The following LAMA4 variants were observed in gnomAD, a reference collection of about 807,000 sequenced individuals.
The protein encoded by LAMA4 is laminin subunit alpha-4.
Under a neutral mutation model 207.1 loss-of-function variants are expected in LAMA4, and 127 were observed. The observed-to-expected ratio is 0.61, with a 90% CI of 0.53 to 0.71. The LOEUF is 0.71. Ranked by LOEUF, LAMA4 falls within the 30% of genes least tolerant of loss-of-function variation. The probability of loss-of-function intolerance (pLI) is 0.00; values close to 1 mark genes in which losing one functional copy is unlikely to be tolerated. For missense variants in LAMA4, 2,093 were observed against 2,246.5 expected, an observed-to-expected ratio of 0.93 and a Z score of 1.38; for synonymous variants, 761 against 816.0, an observed-to-expected ratio of 0.93 and a Z score of 1.15.
intron 18 of LAMA4, among the ~76,000 whole-genome samples, chr6:112,146,895 T>C (rs1554334632): frequency 6.6e-6 from 1 of 152,218 alleles, no homozygotes; most frequent in Non-Finnish European, 1.5e-5. Flanking sequence ...AAACTAGAGA[T>C]AATATACTTA....
intron 12 of LAMA4, among the ~76,000 whole-genome samples, chr6:112,168,412 C>T (rs1443292707): frequency 7.0e-6 from 1 of 143,384 alleles, no homozygotes; most frequent in South Asian, 2.3e-4. Flanking sequence ...ATGGCACAAT[C>T]TTAGCTCACT....
intron 38 of LAMA4, among the ~76,000 whole-genome samples, chr6:112,110,802 A>G (rs1320820542): frequency 1.3e-5 from 2 of 152,198 alleles, no homozygotes; most frequent in Non-Finnish European, 2.9e-5. Flanking sequence ...AATCATCTGG[A>G]GGTAATAATT....
chr6:112,211,206 A>G (rs1300217212), intron 3 of LAMA4, among the ~76,000 whole-genome samples: 1 of 152,182 alleles, frequency 6.6e-6, no homozygotes, highest in Non-Finnish European at 1.5e-5. Context: ...CACTCTGACA[A>G]GCAAGGGTCT....
intron 29 of LAMA4, 130 bp from the exon 30 acceptor site, chr6:112,130,170 G>T: frequency 2.6e-6 from 2 of 757,842 alleles, no homozygotes; most frequent in Non-Finnish European, 4.6e-6. Context: ...ACAGCGAGTT[G>T]CCAAACTCTT....
chr6:112,227,965 T>G (rs1296182244), intron 2 of LAMA4, among the ~76,000 whole-genome samples: 1 of 152,224 alleles, frequency 6.6e-6, no homozygotes, highest in Non-Finnish European at 1.5e-5. Flanking sequence ...CTCAAAATAG[T>G]GCACAATACT....
In LAMA4 at chr6:112,109,448, G is replaced by T; in HGVS notation, c.5461C>A (p.Pro1821Thr). The part of the protein sequence containing the change: ...VSGAVSINSC[P>T]AA ...TGTGCTCTGTCATGTCAGGCTGCTGGACAGGAGTTGATGCTTACGGCGCCG... is the reference window on the plus strand; with the variant it reads ...TGTGCTCTGTCATGTCAGGCTGCTGTACAGGAGTTGATGCTTACGGCGCCG... The change falls in exon 39 of 39, where the codon CCA (proline) becomes ACA (threonine). Residue 1821 changes from proline (P) to threonine (T), a missense_variant. By Grantham distance (38) the Pro-to-Thr change is conservative. Around this residue, in one of 3 missense-constraint regions of LAMA4, gnomAD observed 383 missense variants for 437.8 expected, o/e 0.87. Coordinates refer to ENST00000230538, the MANE Select transcript of LAMA4 (RefSeq NM_001105206.3). 6.2e-7 allele frequency: 1 copy of T among 1,613,916 alleles called. No individual in the cohort carries two copies. The highest frequency in any genetic ancestry group is 8.5e-7 in the Non-Finnish European group (1 of 1,179,964).
chr6:112,204,773 C>T (rs916861420), intron 4 of LAMA4, among the ~76,000 whole-genome samples: 5 of 152,150 alleles, frequency 3.3e-5, no homozygotes, highest in Admixed American at 6.5e-5. Flanking sequence ...TTAATGTTTG[C>T]GTTTTCTACC....
At chr6:112,155,310 T>C in intron 15 of LAMA4, 1 of 569,284 alleles carries the variant, frequency 1.8e-6, no homozygotes, top group East Asian at 3.0e-5. Context: ...ATACATATTT[T>C]TTTTTTCAGG....
chr6:112,237,818 G>T (rs1786046212), intron 2 of LAMA4, among the ~76,000 whole-genome samples: 1 of 152,144 alleles, frequency 6.6e-6, no homozygotes, highest in Admixed American at 6.5e-5. Context: ...CCAAATCCAG[G>T]CCTCCTTAGG....
At chr6:112,166,192 C>T (rs1326409557) in intron 12 of LAMA4, 2 of 152,238 alleles carry the variant, frequency 1.3e-5, no homozygotes, top group Middle Eastern at 3.4e-3. Flanking sequence ...TTTCTTACTC[C>T]CTGCAGTCTT....
chr6:112,250,453 CA>C (rs1222514178), intron 2 of LAMA4, among the ~76,000 whole-genome samples: 2 of 152,170 alleles, frequency 1.3e-5, no homozygotes, highest in African/African-American at 4.8e-5. Context: ...AAGGTATGTT[CA>C]TGGGCACTGA....
intron 2 of LAMA4, among the ~76,000 whole-genome samples, chr6:112,224,647 C>T (rs1785103408): frequency 2.0e-5 from 3 of 152,018 alleles, no homozygotes; most frequent in Admixed American, 6.5e-5. Flanking sequence ...GAAACCCCAA[C>T]TCTATTAAAA....
intron 5 of LAMA4, among the ~76,000 whole-genome samples, chr6:112,192,789 G>C (rs187116711): frequency 6.6e-6 from 1 of 152,344 alleles, no homozygotes; most frequent in Admixed American, 6.5e-5. Flanking sequence ...TGCCGTGCAG[G>C]GCAGCAGAGG....
intron 2 of LAMA4, among the ~76,000 whole-genome samples, chr6:112,239,151 T>C (rs879955171): frequency 5.9e-5 from 9 of 151,982 alleles, no homozygotes; most frequent in Non-Finnish European, 8.8e-5. Context: ...TGAAACCCTG[T>C]TTCTATGAAA....
At chr6:112,201,763 A>G in intron 4 of LAMA4, 75 bp from the exon 5 acceptor site, 1 of 1,209,720 alleles carries the variant, frequency 8.3e-7, no homozygotes, top group Non-Finnish European at 1.2e-6. Context: ...TTATCAGATT[A>G]CCTCTATGTT....
chr6:112,184,445 C>A (rs1290734398), intron 9 of LAMA4, among the ~76,000 whole-genome samples: 2 of 152,010 alleles, frequency 1.3e-5, no homozygotes, highest in Non-Finnish European at 2.9e-5. Flanking sequence ...TTGCGGAGTG[C>A]GTTGAATAGC....
chr6:112,167,585 G>A (rs552746451), intron 12 of LAMA4, among the ~76,000 whole-genome samples: 81 of 152,266 alleles, frequency 5.3e-4, no homozygotes, highest in Non-Finnish European at 1.0e-3. Context: ...AAAGAATGGT[G>A]AAAGTAGTGT....
chr6:112,210,364 C>G (rs1784296548), intron 3 of LAMA4, among the ~76,000 whole-genome samples: 1 of 152,114 alleles, frequency 6.6e-6, no homozygotes. Flanking sequence ...TTTAATAAAA[C>G]TGACTCCACT....
chr6:112,178,558 T>C lies in LAMA4; in HGVS notation c.1078-326A>G, dbSNP rs1228300645. The C allele has an allele frequency of 2.5e-5, 8 of 323,744 alleles. No homozygotes were observed. The East Asian group carries it at 5.7e-4, about 23-fold the overall frequency. The allele number at this position is 323,744 out of a possible 1,614,324, so 20.1% of individuals were successfully genotyped here. On this transcript the variant is annotated intron_variant, in intron 9 of 38. Transcript: ENST00000230538. ...AGTATACACTGCACCATATTTGTAG[T>C]CTTTTATCCCTCCCCACTCCACTCT...
Sources: gnomAD v4.1 joint callset for allele counts (sites outside exome capture counted in the v4.1 genomes callset) on GRCh38, gnomAD v4.1.1 for gene constraint, gnomAD v4.1.1 regional missense constraint, MANE v1.5 for transcripts, NCBI Gene and HGNC (gene_info 2026-07-23, HGNC 2026-07-21) for gene names.